Variants in CLRN3 observed in about 807,000 individuals in gnomAD.
CLRN3 encodes the protein clarin 3.
In CLRN3, 12 loss-of-function variants were observed where a neutral mutation model predicts 16.7. The ratio of observed to expected loss-of-function variants is 0.72; its 90% CI spans 0.46 to 1.16. The LOEUF (loss-of-function observed/expected upper bound fraction) is 1.16, where lower values mean the gene tolerates loss of function less well. CLRN3 is among the 50% of genes most tolerant of loss of function. The probability of loss-of-function intolerance (pLI) is 0.00; values close to 1 mark genes in which losing one functional copy is unlikely to be tolerated. For synonymous variants in CLRN3, 118 were observed against 113.0 expected, an observed-to-expected ratio of 1.04 and a Z score of -0.28; for missense variants, 296 against 274.2, an observed-to-expected ratio of 1.08 and a Z score of -0.56.
At chr10:127,883,907 T>C (rs1259865671) in intron 1 of CLRN3, 32 bp from the exon 2 acceptor site, 24 of 1,595,644 alleles carry the variant, frequency 1.5e-5, no homozygotes, top group Non-Finnish European at 2.0e-5. Context: ...GCATAGCACA[T>C]AATGCAAACA....
intron 1 of CLRN3, 85 bp from the exon 2 acceptor site, chr10:127,883,960 G>A: frequency 2.4e-6 from 3 of 1,276,512 alleles, no homozygotes; most frequent in Admixed American, 1.7e-5. Context: ...CCCTCTTAGT[G>A]ACTTGAGTTA....
chr10:127,891,834 C>A (rs1021944263), intron 1 of CLRN3, among the ~76,000 whole-genome samples: 2 of 152,114 alleles, frequency 1.3e-5, no homozygotes, highest in African/African-American at 4.8e-5. Flanking sequence ...AAAACAAAGT[C>A]CACTTAATGT....
rs193301026 is a variant in CLRN3, at chr10:127,884,404, G to A, written c.230-529C>T. ...GAGAAAAGCCTAAGAAAGGTGACCA[G>A]GAAAGTGGAAGCTGAAGGCTGACAT... On this transcript the variant is annotated intron_variant, in intron 1 of 2. Coordinates refer to ENST00000368671, the MANE Select transcript of CLRN3 (RefSeq NM_152311.5). 4.2e-4 allele frequency among the ~76,000 whole-genome samples: 64 copies of A among 152,350 alleles called. 1 individual carries two copies. The East Asian group carries it at 0.012, about 28-fold the overall frequency.
At chr10:127,890,865 C>A (rs977821637) in intron 1 of CLRN3, among the ~76,000 whole-genome samples, 1 of 152,138 alleles carries the variant, frequency 6.6e-6, no homozygotes, top group Admixed American at 6.6e-5. Context: ...TCAAGCCCAG[C>A]GATTATTACA....
chr10:127,880,994 T>C (rs1820430242), intron 2 of CLRN3, among the ~76,000 whole-genome samples: 1 of 152,112 alleles, frequency 6.6e-6, no homozygotes, highest in Admixed American at 6.5e-5. Flanking sequence ...TCAAAGCTCC[T>C]GTGAGAAAAT....
intron 2 of CLRN3, among the ~76,000 whole-genome samples, chr10:127,879,191 C>T (rs1418335735): frequency 6.6e-6 from 1 of 152,158 alleles, no homozygotes; most frequent in African/African-American, 2.4e-5. Flanking sequence ...CTTACTGAAC[C>T]TCCACCTCCC....
At chr10:127,878,961 C>A (rs913813655) in intron 2 of CLRN3, among the ~76,000 whole-genome samples, 1 of 152,132 alleles carries the variant, frequency 6.6e-6, no homozygotes, top group East Asian at 1.9e-4. Context: ...CAAATGCCAT[C>A]CCAGGAGCTT....
At chr10:127,881,899 C>T (rs376881170) in intron 2 of CLRN3, among the ~76,000 whole-genome samples, 3 of 152,188 alleles carry the variant, frequency 2.0e-5, no homozygotes, top group South Asian at 2.1e-4. Context: ...ACAGTCCTCA[C>T]GACACAGGCC....
intron 1 of CLRN3, among the ~76,000 whole-genome samples, chr10:127,888,917 A>T (rs1845227151): frequency 6.6e-6 from 1 of 152,178 alleles, no homozygotes; most frequent in African/African-American, 2.4e-5. Flanking sequence ...AAGATTTTTA[A>T]AAAACGAGCA....
At chr10:127,881,499 C>A (rs950651612) in intron 2 of CLRN3, among the ~76,000 whole-genome samples, 3 of 152,198 alleles carry the variant, frequency 2.0e-5, no homozygotes, top group Non-Finnish European at 4.4e-5. Context: ...CCACACCTGG[C>A]CCTCTACTCT....
intron 1 of CLRN3, among the ~76,000 whole-genome samples, chr10:127,889,762 AATGTG>A (rs1370487622): frequency 6.6e-6 from 1 of 152,212 alleles, no homozygotes; most frequent in Admixed American, 6.5e-5. Context: ...CCATGTCCTA[AATGTG>A]AATGACTCAT....
chr10:127,882,227 G>C (rs930625443), intron 2 of CLRN3, among the ~76,000 whole-genome samples: 1 of 152,008 alleles, frequency 6.6e-6, no homozygotes, highest in Non-Finnish European at 1.5e-5. Context: ...TAAATTGGGG[G>C]ATTTATTTGT....
At chr10:127,883,015 C>T (rs1315397897) in intron 2 of CLRN3, among the ~76,000 whole-genome samples, 1 of 152,192 alleles carries the variant, frequency 6.6e-6, no homozygotes, top group Non-Finnish European at 1.5e-5. Flanking sequence ...TGAGTCAAAG[C>T]TGGGACCCGC....
intron 1 of CLRN3, among the ~76,000 whole-genome samples, chr10:127,885,761 A>T (rs28424163): frequency 5.4e-5 from 8 of 148,796 alleles, no homozygotes; most frequent in South Asian, 4.3e-4. Flanking sequence ...AATTTTTAAA[A>T]TTTTTTTTTT....
intron 1 of CLRN3, among the ~76,000 whole-genome samples, chr10:127,884,502 A>T (rs1441246598): frequency 6.6e-6 from 1 of 152,244 alleles, no homozygotes; most frequent in Non-Finnish European, 1.5e-5. Context: ...GGGGCCAGAG[A>T]GGACCAGATG....
At chr10:127,878,484 A>G in intron 2 of CLRN3, 64 bp from the exon 3 acceptor site, 1 of 1,589,158 alleles carries the variant, frequency 6.3e-7, no homozygotes, top group Non-Finnish European at 8.6e-7. Context: ...ACTTATCTTT[A>G]TGGAACACAT....
At position 127,877,954 on chromosome 10, in the gene CLRN3, TC is replaced by T; in HGVS notation, c.*194del. 5 of 618,062 alleles carry T rather than the reference TC, an allele frequency of 8.1e-6. No homozygotes were observed. The highest frequency in any genetic ancestry group is 1.4e-5 in the Non-Finnish European group (5 of 359,372). 38.3% of individuals were successfully genotyped at this position (618,062 alleles called of 1,614,324 possible). A position where few individuals can be genotyped will look rare whatever the true frequency, so the allele number is the denominator to read the frequency against. ...GAATACCACACAGACCAGCGACATTTCCCATTCATTTCCCCAACCTTGTGGG... is the reference window on the plus strand; with the variant it reads ...GAATACCACACAGACCAGCGACATTTCCATTCATTTCCCCAACCTTGTGGG... On this transcript the variant is annotated 3_prime_UTR_variant, in exon 3 of 3. Transcript: ENST00000368671.
At chr10:127,885,921 A>G (rs1845188765) in intron 1 of CLRN3, among the ~76,000 whole-genome samples, 1 of 151,912 alleles carries the variant, frequency 6.6e-6, no homozygotes, top group African/African-American at 2.4e-5. Flanking sequence ...ATGCCAGGCT[A>G]ATTTTGTATT....
chr10:127,881,480 C>T (rs1039276092), intron 2 of CLRN3, among the ~76,000 whole-genome samples: 25 of 152,198 alleles, frequency 1.6e-4, no homozygotes, highest in African/African-American at 6.0e-4. Context: ...CCCTGTTGTT[C>T]GGCCGGCGCC....
Sources: gnomAD v4.1 joint callset for allele counts (sites outside exome capture counted in the v4.1 genomes callset) on GRCh38, gnomAD v4.1.1 for gene constraint, MANE v1.5 for transcripts, NCBI Gene and HGNC (gene_info 2026-07-23, HGNC 2026-07-21) for gene names.